Variants in HCN1 observed in about 807,000 individuals in gnomAD.
HCN1 encodes potassium/sodium hyperpolarization-activated cyclic nucleotide-gated channel 1.
HCN1 carries 13 observed loss-of-function variants against 78.9 expected under a neutral mutation model. The ratio of observed to expected loss-of-function variants is 0.16; its 90% CI spans 0.11 to 0.26. HCN1 has a LOEUF of 0.26. HCN1 is among the 10% of genes least tolerant of loss of function. The pLI is 1.00. For missense variants in HCN1, 810 were observed against 1,154.3 expected (o/e 0.70, Z 4.32); for synonymous variants, 552 against 455.5 (o/e 1.21, Z -2.70).
chr5:45,300,167 A>C (rs1348777563), intron 6 of HCN1, among the ~76,000 whole-genome samples: 1 of 152,054 alleles, frequency 6.6e-6, no homozygotes, highest in South Asian at 2.1e-4. Flanking sequence ...TTTGTGCATA[A>C]TAACACTTCA....
chr5:45,320,377 T>C (rs1486549326), intron 5 of HCN1, among the ~76,000 whole-genome samples: 2 of 152,008 alleles, frequency 1.3e-5, no homozygotes, highest in Middle Eastern at 3.4e-3. Flanking sequence ...GGGAGTTTTT[T>C]TGAGGTAAAG....
At chr5:45,329,273 C>T (rs930467078) in intron 5 of HCN1, among the ~76,000 whole-genome samples, 8 of 151,488 alleles carry the variant, frequency 5.3e-5, no homozygotes, top group African/African-American at 1.9e-4. Context: ...TCCTCCCCTT[C>T]CCCAGCCCCT....
chr5:45,446,297 G>C (rs1348545818), intron 3 of HCN1, among the ~76,000 whole-genome samples: 1 of 152,150 alleles, frequency 6.6e-6, no homozygotes, highest in Non-Finnish European at 1.5e-5. Flanking sequence ...AGTGACGGAA[G>C]ATCAAATGAA....
At chr5:45,380,774 G>T (rs936413824) in intron 4 of HCN1, among the ~76,000 whole-genome samples, 3 of 151,984 alleles carry the variant, frequency 2.0e-5, no homozygotes, top group African/African-American at 7.2e-5. Flanking sequence ...TTGTGGCAAA[G>T]AACTATAAGG....
rs1297409319 is a variant in HCN1, at chr5:45,661,220, A to G, written c.426-15612T>C. Among the ~76,000 whole-genome samples, 8 of 114,798 alleles carry G rather than the reference A, an allele frequency of 7.0e-5. 1 individual carries two copies. Among genetic ancestry groups the G allele is most frequent in the Non-Finnish European group, 3.5e-5 (2 of 56,748 alleles). The allele number at this position is 114,798 out of a possible 152,430, so 75.3% of individuals were successfully genotyped here. A position where few individuals can be genotyped will look rare whatever the true frequency, so the allele number is the denominator to read the frequency against. On this transcript the variant is annotated intron_variant, in intron 1 of 7. Coordinates refer to ENST00000303230, the MANE Select transcript of HCN1 (RefSeq NM_021072.4). ...TGAATGACTACTGGGTACATAACGA[A>G]ATGAAGGCAGAAATAAAGATGTTCT...
intron 4 of HCN1, among the ~76,000 whole-genome samples, chr5:45,391,158 T>TTTAAGCA (rs1476994541): frequency 6.6e-6 from 1 of 152,156 alleles, no homozygotes; most frequent in Non-Finnish European, 1.5e-5. Context: ...GAGGAAAGCA[T>TTTAAGCA]TTAAGAATTA....
chr5:45,586,538 C>T (rs992775182), intron 2 of HCN1, among the ~76,000 whole-genome samples: 1 of 152,116 alleles, frequency 6.6e-6, no homozygotes, highest in African/African-American at 2.4e-5. Flanking sequence ...GTCCTGCACC[C>T]ACTGTCTGAC....
chr5:45,349,243 G>A (rs1033683908), intron 5 of HCN1, among the ~76,000 whole-genome samples: 2 of 152,078 alleles, frequency 1.3e-5, no homozygotes, highest in African/African-American at 4.8e-5. Context: ...TCAACTACAT[G>A]GAAACTGAAC....
At chr5:45,607,598 T>TATATATAGATAG (rs1554035500) in intron 2 of HCN1, among the ~76,000 whole-genome samples, 1 of 146,654 alleles carries the variant, frequency 6.8e-6, no homozygotes, top group Admixed American at 7.0e-5. Flanking sequence ...TATATATATC[T>TATATATAGATAG]ATAGATAGAT....
At chr5:45,637,245 A>C (rs77466979) in intron 2 of HCN1, among the ~76,000 whole-genome samples, 2,471 of 152,216 alleles carry the variant, frequency 0.016, 65 homozygotes, top group African/African-American at 0.057. Flanking sequence ...CCTACCACAC[A>C]CTCATATACA....
At chr5:45,438,495 G>T (rs563507082) in intron 3 of HCN1, among the ~76,000 whole-genome samples, 1 of 151,924 alleles carries the variant, frequency 6.6e-6, no homozygotes, top group African/African-American at 2.4e-5. Context: ...GGGGGCTGAG[G>T]TAGGAGAATG....
chr5:45,636,484 G>C (rs902000922), intron 2 of HCN1, among the ~76,000 whole-genome samples: 4 of 152,160 alleles, frequency 2.6e-5, no homozygotes, highest in Non-Finnish European at 5.9e-5. Context: ...GGCTAAATGT[G>C]CTTTGTCCTA....
rs1561129966 is a variant in HCN1, at chr5:45,373,984, AATATATATAATATATATTATAT to A, written c.1231-20760_1231-20739del. 5.2e-3 allele frequency among the ~76,000 whole-genome samples: 549 copies of A among 105,354 alleles called. 4 individuals are homozygous for A. The highest frequency in any genetic ancestry group is 0.023 in the African/African-American group (527 of 22,668). The allele number at this position is 105,354 out of a possible 152,430, so 69.1% of individuals were successfully genotyped here. On this transcript the variant is annotated intron_variant, in intron 4 of 7. Coordinates refer to ENST00000303230, the MANE Select transcript of HCN1 (RefSeq NM_021072.4). Reference sequence around the variant, plus strand: ...AATATATTACATACAGTAGATACATAATATATATAATATATATTATATACATAATATATATTATATATATTAT... The same window carrying A: ...AATATATTACATACAGTAGATACATAACATAATATATATTATATATATTAT...
intron 3 of HCN1, among the ~76,000 whole-genome samples, chr5:45,402,882 C>A (rs1263856340): frequency 7.2e-6 from 1 of 139,210 alleles, no homozygotes; most frequent in Non-Finnish European, 1.5e-5. Flanking sequence ...CCTTCCCTCC[C>A]TCCCTCCCTC....
chr5:45,285,676 C>T (rs145024205), intron 6 of HCN1, among the ~76,000 whole-genome samples: 3 of 152,122 alleles, frequency 2.0e-5, no homozygotes, highest in African/African-American at 7.2e-5. Flanking sequence ...AGTTTCTGTC[C>T]TCTTCACGAT....
chr5:45,350,666 C>T lies in HCN1; in HGVS notation c.1377+2434G>A, dbSNP rs1376632590. On this transcript the variant is annotated intron_variant, in intron 5 of 7. Transcript: ENST00000303230. The stretch of plus-strand genomic sequence containing the variant: ...AAAATCTCCTTAAGCTGATAAGCAA[C>T]TTCAGCAAAGTCTCAGGATACAAAA... Among the ~76,000 whole-genome samples, 86 of 151,016 alleles carry T rather than the reference C, an allele frequency of 5.7e-4. 1 individual carries two copies. The South Asian group carries it at 0.018, about 31-fold the overall frequency.
intron 4 of HCN1, among the ~76,000 whole-genome samples, chr5:45,375,043 G>C (rs994943745): frequency 1.5e-4 from 19 of 124,562 alleles, no homozygotes; most frequent in African/African-American, 5.8e-4. Flanking sequence ...TATACTCAAA[G>C]GAATGGAATT....
At chr5:45,307,642 G>C (rs1186893102) in intron 5 of HCN1, among the ~76,000 whole-genome samples, 1 of 152,024 alleles carries the variant, frequency 6.6e-6, no homozygotes, top group Non-Finnish European at 1.5e-5. Context: ...TTCTAAAGAT[G>C]ATCAAGGTAA....
At chr5:45,307,992 A>G (rs983161476) in intron 5 of HCN1, among the ~76,000 whole-genome samples, 5 of 152,084 alleles carry the variant, frequency 3.3e-5, no homozygotes, top group African/African-American at 1.2e-4. Context: ...ATTTGACCCA[A>G]TGTTGGAGGT....
Sources: allele counts gnomAD v4.1 joint callset (sites outside exome capture counted in the v4.1 genomes callset), GRCh38; gene constraint gnomAD v4.1.1; transcripts MANE v1.5; gene names NCBI Gene and HGNC (gene_info 2026-07-23, HGNC 2026-07-21).